UBXN8: variants seen among roughly 807,000 people sequenced by gnomAD.
The protein encoded by UBXN8 is UBX domain-containing protein 8.
In UBXN8, 27 loss-of-function variants were observed where a neutral mutation model predicts 32.1. That is an observed-to-expected ratio of 0.84 (90% CI 0.62 to 1.16). The LOEUF is 1.16. UBXN8 is among the 50% of genes most tolerant of loss of function. The pLI, the probability that UBXN8 is intolerant of heterozygous loss-of-function variation, is 0.00. For missense variants in UBXN8, 306 were observed against 311.4 expected (o/e 0.98, Z 0.13); for synonymous variants, 109 against 111.8 (o/e 0.98, Z 0.16).
At chr8:30,753,508 C>T (rs570647565) in intron 3 of UBXN8, among the ~76,000 whole-genome samples, 5 of 152,254 alleles carry the variant, frequency 3.3e-5, no homozygotes, top group South Asian at 2.1e-4. Context: ...CCACCTGCCT[C>T]GGCCTCCCAA....
intron 1 of UBXN8, among the ~76,000 whole-genome samples, chr8:30,748,513 T>A (rs1051173580): frequency 6.6e-6 from 1 of 152,064 alleles, no homozygotes. Context: ...TGTTTTCAGT[T>A]TAAAATAAAA....
At chr8:30,763,010 G>T in intron 6 of UBXN8, 3 of 431,256 alleles carry the variant, frequency 7.0e-6, no homozygotes, top group South Asian at 5.1e-5. Context: ...GCTGGGACTA[G>T]AGGCGTGCAC....
chr8:30,732,133 T>TG (rs1440840676), upstream of UBXN8: 1 of 325,858 alleles, frequency 3.1e-6, no homozygotes, highest in South Asian at 1.6e-4. Flanking sequence ...CACTTGGACC[T>TG]GGCTTCCCCA....
chr8:30,744,114 A>T (rs992583344), upstream of UBXN8: 64 of 1,424,798 alleles, frequency 4.5e-5, no homozygotes, highest in Admixed American at 1.2e-3. Flanking sequence ...CCGCGGCAAG[A>T]AGAGTTCCAC....
chr8:30,760,902 T>C lies in UBXN8; in HGVS notation c.543T>C (p.Pro181=), dbSNP rs377235241. ...CTTTTCTTTAGATTCCTGATTTACC[T>C]GAAGAACCTTCTCAAACAGCAGAAG... ...QPTCKEIPDL[P]EEPSQTAEEV... Residue 181 remains proline (P), a synonymous_variant, in exon 6 of 8, where the codon CCT becomes CCC. Coordinates refer to ENST00000265616, the MANE Select transcript of UBXN8 (RefSeq NM_005671.4). The C allele has an allele frequency of 1.3e-6, 2 of 1,537,158 alleles. No individual in the cohort carries two copies. The highest frequency in any genetic ancestry group is 1.8e-6 in the Non-Finnish European group (2 of 1,140,718).
At chr8:30,757,143 A>T (rs1805685303) in intron 5 of UBXN8, among the ~76,000 whole-genome samples, 1 of 151,638 alleles carries the variant, frequency 6.6e-6, no homozygotes, top group African/African-American at 2.4e-5. Context: ...ACATGGTGAA[A>T]CCCCATCTCT....
chr8:30,760,436 TATATATA>T (rs199838088), intron 5 of UBXN8, among the ~76,000 whole-genome samples: 14 of 45,290 alleles, frequency 3.1e-4, no homozygotes, highest in African/African-American at 1.2e-3. Flanking sequence ...TATATATATA[TATATATA>T]TTTTTTTTTT....
rs67334347 is a variant in UBXN8, at chr8:30,747,894, C to CTTTT, written c.89-3481_89-3478dup. ...TTTCTTTTTTTAATATATATTTTTT[C>CTTTT]TTTTTTTTTTTTTTTTTTTTTTTTG... On this transcript the variant is annotated intron_variant, in intron 1 of 7. Transcript: ENST00000265616. Among the ~76,000 whole-genome samples the CTTTT allele has an allele frequency of 4.7e-3, 166 of 35,630 alleles. 11 individuals are homozygous for CTTTT. The highest frequency in any genetic ancestry group is 7.2e-3 in the Non-Finnish European group (132 of 18,342). 23.4% of individuals were successfully genotyped at this position (35,630 alleles called of 152,430 possible). A position where few individuals can be genotyped will look rare whatever the true frequency, so the allele number is the denominator to read the frequency against.
chr8:30,745,291 G>T (rs1179459042), intron 1 of UBXN8, among the ~76,000 whole-genome samples: 1 of 152,166 alleles, frequency 6.6e-6, no homozygotes, highest in Admixed American at 6.5e-5. Flanking sequence ...GGAAAGGAAG[G>T]ATTCAAGGAC....
chr8:30,749,392 C>CAAAAAAA (rs762244650), intron 1 of UBXN8, among the ~76,000 whole-genome samples: 2 of 74,652 alleles, frequency 2.7e-5, no homozygotes, highest in South Asian at 4.2e-4. Flanking sequence ...GGCTCCGTCT[C>CAAAAAAA]AAAAAAAAAA....
At chr8:30,735,433 T>C (rs932405907) in intron 1 of UBXN8, among the ~76,000 whole-genome samples, 2 of 152,170 alleles carry the variant, frequency 1.3e-5, no homozygotes, top group Non-Finnish European at 2.9e-5. Flanking sequence ...GGTGTGTACC[T>C]GTAGTCCCAC....
chr8:30,756,885 G>A lies in UBXN8; in HGVS notation c.526G>A (p.Glu176Lys). The change falls in exon 5 of 8, where the codon GAG becomes AAG. Residue 176 changes from glutamate (E) to lysine (K), a missense_variant and splice_region_variant. By Grantham distance (56) the Glu-to-Lys change is moderately conservative. Coordinates refer to ENST00000265616, the MANE Select transcript of UBXN8 (RefSeq NM_005671.4). ...PSPAEQPTCK[E>K]IPDLPEEPSQ... ...TCCTGCTGAACAGCCCACATGCAAG[G>A]AGGTAAAGTACTTCATGCCTCTCAT... is the stretch of plus-strand genomic sequence containing the variant. 1 of 1,613,928 alleles carries A rather than the reference G, an allele frequency of 6.2e-7. No homozygotes were observed. The highest frequency in any genetic ancestry group is 8.5e-7 in the Non-Finnish European group (1 of 1,179,848).
upstream of UBXN8, among the ~76,000 whole-genome samples, chr8:30,730,105 C>T (rs1214549643): frequency 3.9e-5 from 6 of 152,178 alleles, no homozygotes; most frequent in African/African-American, 7.2e-5. Flanking sequence ...CTTGTGCCTC[C>T]GCAAGACAAA....
Position 30,748,511 on chromosome 8 carries a change from G to GT in UBXN8, c.89-2882dup, listed in dbSNP as rs374912883. Among the ~76,000 whole-genome samples, 98 of 149,912 alleles carry GT rather than the reference G, an allele frequency of 6.5e-4. 2 individuals carry two copies. Among genetic ancestry groups the GT allele is most frequent in the African/African-American group, 2.3e-3 (94 of 41,086 alleles). On this transcript the variant is annotated intron_variant, in intron 1 of 7. Coordinates refer to ENST00000265616, the MANE Select transcript of UBXN8 (RefSeq NM_005671.4). ...AAGAATATACATCTATCTGTTTTCAGTTTAAAATAAAACATTTAAGTCTAT... is the reference window on the plus strand; with the variant it reads ...AAGAATATACATCTATCTGTTTTCAGTTTTAAAATAAAACATTTAAGTCTAT...
At chr8:30,741,367 C>CA (rs1391616153), upstream of UBXN8, among the ~76,000 whole-genome samples, 6 of 151,682 alleles carry the variant, frequency 4.0e-5, no homozygotes, top group African/African-American at 1.5e-4. Context: ...GCCTGTGTGA[C>CA]AGAGTGAGAC....
Position 30,766,436 on chromosome 8 carries a change from C to T in UBXN8, c.*42C>T. On this transcript the variant is annotated 3_prime_UTR_variant, in exon 8 of 8. Coordinates refer to ENST00000265616, the MANE Select transcript of UBXN8 (RefSeq NM_005671.4). ...CCCTGTTTGCATGAAGTCAGTTATG[C>T]TATGACCTTCTGGCACAATAAAGGC... is the stretch of plus-strand genomic sequence containing the variant. 3.3e-6 allele frequency: 5 copies of T among 1,503,602 alleles called. No individual in the cohort carries two copies. The highest frequency in any genetic ancestry group is 4.5e-6 in the Non-Finnish European group (5 of 1,119,958). 93.1% of individuals were successfully genotyped at this position (1,503,602 alleles called of 1,614,324 possible).
upstream of UBXN8, among the ~76,000 whole-genome samples, chr8:30,741,755 G>A (rs189208395): frequency 6.6e-6 from 1 of 152,140 alleles, no homozygotes; most frequent in African/African-American, 2.4e-5. Flanking sequence ...CGGCCACAAT[G>A]TTCTTTTCTA....
At chr8:30,766,120 A>G (rs1265457090) in intron 7 of UBXN8, 107 bp from the exon 8 acceptor site, 1 of 1,136,680 alleles carries the variant, frequency 8.8e-7, no homozygotes, top group Non-Finnish European at 1.2e-6. Flanking sequence ...CATTACTCCT[A>G]GGGATATGAT....
intron 1 of UBXN8, among the ~76,000 whole-genome samples, chr8:30,735,001 C>A (rs2128751696): frequency 6.6e-6 from 1 of 152,268 alleles, no homozygotes; most frequent in East Asian, 1.9e-4. Flanking sequence ...TGAAATATTT[C>A]TCAAAATAAT....
Sources: gnomAD v4.1 joint callset for allele counts (sites outside exome capture counted in the v4.1 genomes callset) on GRCh38, gnomAD v4.1.1 for gene constraint, MANE v1.5 for transcripts, NCBI Gene and HGNC (gene_info 2026-07-23, HGNC 2026-07-21) for gene names.